The following LHPP variants were observed in gnomAD, a reference collection of about 807,000 sequenced individuals.
The protein encoded by LHPP is phospholysine phosphohistidine inorganic pyrophosphate phosphatase.
A neutral mutation model predicts 30.3 loss-of-function variants in LHPP; 24 were observed. The ratio of observed to expected loss-of-function variants is 0.79; its 90% CI spans 0.57 to 1.11. LHPP has a LOEUF of 1.11. Ranked by LOEUF, LHPP falls within the 50% of genes most tolerant of loss-of-function variation. The pLI is 0.00. For synonymous variants in LHPP, 150 were observed against 157.1 expected (o/e 0.95, Z 0.34); for missense variants, 356 against 367.2 (o/e 0.97, Z 0.25).
chr10:124,534,862 A>T (rs1751424625), intron 6 of LHPP, among the ~76,000 whole-genome samples: 1 of 152,108 alleles, frequency 6.6e-6, no homozygotes, highest in Admixed American at 6.5e-5. Flanking sequence ...CCTTACAAGT[A>T]GTTCTAGGCC....
Position 124,517,456 on chromosome 10 carries a change from T to A in LHPP, c.716+185T>A. The A allele has an allele frequency of 2.4e-6, 1 of 408,248 alleles. No homozygotes were observed. Among genetic ancestry groups the A allele is most frequent in the Non-Finnish European group, 4.4e-6 (1 of 228,976 alleles). The allele number at this position is 408,248 out of a possible 1,614,324, so 25.3% of individuals were successfully genotyped here. ...CTGAGTGGTCTTTTATAGCAGACAG[T>A]GATAAAGTAGAGTGGCTTTTGATAC... On this transcript the variant is annotated intron_variant, in intron 6 of 6. Coordinates refer to ENST00000368842, the MANE Select transcript of LHPP (RefSeq NM_022126.4). The surrounding 1 kb of genome is among the most constrained non-coding windows in gnomAD (Gnocchi z 4.1).
chr10:124,519,456 A>C (rs1011087843), intron 6 of LHPP, among the ~76,000 whole-genome samples: 4 of 152,134 alleles, frequency 2.6e-5, no homozygotes, highest in African/African-American at 9.7e-5. Flanking sequence ...TTAAAATTTC[A>C]GTAGTTTTTG....
chr10:124,540,877 C>G (rs1425071561), intron 6 of LHPP, among the ~76,000 whole-genome samples: 3 of 152,176 alleles, frequency 2.0e-5, no homozygotes, highest in Non-Finnish European at 4.4e-5. Flanking sequence ...GGGCTCACTT[C>G]TTTAGCAGGT....
chr10:124,494,547 C>T (rs766980938), intron 3 of LHPP, among the ~76,000 whole-genome samples: 7 of 152,196 alleles, frequency 4.6e-5, no homozygotes, highest in Non-Finnish European at 1.0e-4. Context: ...TCTCCTGGCA[C>T]AGGTGGGCAG....
chr10:124,561,825 A>G (rs375462711), intron 6 of LHPP, among the ~76,000 whole-genome samples: 2 of 152,208 alleles, frequency 1.3e-5, no homozygotes, highest in South Asian at 2.1e-4. Flanking sequence ...TTGTGGTACA[A>G]AACCACCTGT....
chr10:124,484,149 T>C lies in LHPP; in HGVS notation c.136T>C (p.Ser46Pro), dbSNP rs754601667. 5.0e-6 allele frequency: 8 copies of C among 1,613,780 alleles called. No homozygotes were observed. The Admixed American group carries it at 1.0e-4, about 20-fold the overall frequency. ...TCTCCCCTGCCGCAGACTGAAGCGT[T>C]CCCGGCTGAAGGTGAGGTTCTGCAC... ...SVEAVARLKR[S>P]RLKVRFCTNE... The change falls in exon 2 of 7, where the codon TCC (serine) becomes CCC (proline). Residue 46 changes from serine to proline, a missense_variant. Coordinates refer to ENST00000368842, the MANE Select transcript of LHPP (RefSeq NM_022126.4).
intron 6 of LHPP, among the ~76,000 whole-genome samples, chr10:124,611,537 T>G (rs1249335481): frequency 6.6e-6 from 1 of 150,516 alleles, no homozygotes; most frequent in Non-Finnish European, 1.5e-5. Flanking sequence ...CAAGGGGTTC[T>G]GTCCTTGGGA....
At chr10:124,488,158 C>T (rs960804297) in intron 2 of LHPP, among the ~76,000 whole-genome samples, 3 of 152,132 alleles carry the variant, frequency 2.0e-5, no homozygotes, top group Non-Finnish European at 4.4e-5. Context: ...CAGGGAGCTC[C>T]TGGGGCTGAT....
At chr10:124,557,747 G>A (rs1404690682) in intron 6 of LHPP, among the ~76,000 whole-genome samples, 1 of 152,088 alleles carries the variant, frequency 6.6e-6, no homozygotes. Context: ...GCCAGGCAAG[G>A]CTGGCCAAGC....
chr10:124,529,796 TACACACACACACACACGCAC>T (rs1954840637), intron 6 of LHPP, among the ~76,000 whole-genome samples: 1 of 140,242 alleles, frequency 7.1e-6, no homozygotes. Flanking sequence ...CTCATGCACA[TACACACACACACACACGCAC>T]ACACACACAC....
Position 124,613,546 on chromosome 10 carries a change from C to G in LHPP, c.*186C>G, listed in dbSNP as rs1949231842. On this transcript the variant is annotated 3_prime_UTR_variant, in exon 7 of 7. Coordinates refer to ENST00000368842, the MANE Select transcript of LHPP (RefSeq NM_022126.4). ...ACCAACCAAGGCCCTGACAGCCCTG[C>G]CTTCTGCCCTCTGCCCTGCATGGGC... 3 of 622,960 alleles carry G rather than the reference C, an allele frequency of 4.8e-6. No individual in the cohort carries two copies. The highest frequency in any genetic ancestry group is 8.7e-6 in the Non-Finnish European group (3 of 343,248). The allele number at this position is 622,960 out of a possible 1,614,324, so 38.6% of individuals were successfully genotyped here. A position where few individuals can be genotyped will look rare whatever the true frequency, so the allele number is the denominator to read the frequency against.
rs367750833 is a variant in LHPP, at chr10:124,600,863, G to A, written c.717-12401G>A. Reference sequence around the variant, plus strand: ...GGCTGCCTGCTTGTGTGCTCATTAGGAGCCAAGGCCATGAGGCCACTAACG... The same window carrying A: ...GGCTGCCTGCTTGTGTGCTCATTAGAAGCCAAGGCCATGAGGCCACTAACG... On this transcript the variant is annotated intron_variant, in intron 6 of 6. Coordinates refer to ENST00000368842, the MANE Select transcript of LHPP (RefSeq NM_022126.4). 1.5e-4 allele frequency among the ~76,000 whole-genome samples: 23 copies of A among 152,368 alleles called. No individual in the cohort carries two copies. In the South Asian group the frequency reaches 4.8e-3, roughly 32 times the overall value.
Position 124,484,280 on chromosome 10 carries a change from G to C in LHPP, c.267G>C (p.Gln89His), listed in dbSNP as rs2133848383. The stretch of plus-strand genomic sequence containing the variant: ...CCGCCCCGGCACCAGCTGCCTGCCA[G>C]ATCCTGAAGGAGCAAGGCCTGCGAC... Reference protein sequence around the residue: ...EVTAPAPAACQILKEQGLRPY... With the variant: ...EVTAPAPAACHILKEQGLRPY... The change falls in exon 2 of 7, where the codon CAG (glutamine) becomes CAC (histidine). Residue 89 changes from glutamine to histidine, a missense_variant. Physicochemically the swap from Gln to His is conservative, Grantham distance 24. Coordinates refer to ENST00000368842, the MANE Select transcript of LHPP (RefSeq NM_022126.4). 1.9e-6 allele frequency: 3 copies of C among 1,614,062 alleles called. No individual in the cohort carries two copies. The highest frequency in any genetic ancestry group is 2.7e-5 in the African/African-American group (2 of 75,066).
In LHPP at chr10:124,590,564, G is replaced by A. The variant is rs572555378; in HGVS notation, c.717-22700G>A. Among the ~76,000 whole-genome samples the A allele has an allele frequency of 6.6e-6, 1 of 152,220 alleles. No homozygotes were observed. The highest frequency in any genetic ancestry group is 1.9e-4 in the East Asian group (1 of 5,184). On this transcript the variant is annotated intron_variant, in intron 6 of 6. Coordinates refer to ENST00000368842, the MANE Select transcript of LHPP (RefSeq NM_022126.4). This position sits in a 1 kb window ranked among gnomAD's most constrained non-coding sequence, Gnocchi z 4.3. ...TGTCCCTTGTGTCATGACTGGACTT[G>A]TTACTTCTAGCCCAGGAGCTCCAGG...
At chr10:124,542,124 C>T (rs1955208920) in intron 6 of LHPP, among the ~76,000 whole-genome samples, 1 of 152,118 alleles carries the variant, frequency 6.6e-6, no homozygotes, top group Admixed American at 6.5e-5. Context: ...GTGCCTGGGA[C>T]CGCAGTTAGA....
intron 6 of LHPP, among the ~76,000 whole-genome samples, chr10:124,550,294 C>G (rs775205018): frequency 3.0e-4 from 46 of 152,342 alleles, no homozygotes; most frequent in Non-Finnish European, 6.0e-4. Flanking sequence ...TGGGGTGACC[C>G]CCGTCTTGGT....
intron 5 of LHPP, chr10:124,498,603 C>G: frequency 1.3e-6 from 1 of 778,778 alleles, no homozygotes; most frequent in Non-Finnish European, 2.0e-6. Flanking sequence ...TTGTCTACAC[C>G]TACCCCAACC....
chr10:124,579,559 C>T (rs763251704), intron 6 of LHPP, among the ~76,000 whole-genome samples: 3 of 152,322 alleles, frequency 2.0e-5, no homozygotes, highest in South Asian at 4.1e-4. Flanking sequence ...GATCACACTT[C>T]TGTGAACAGC....
chr10:124,476,639 G>A (rs1404108573), intron 1 of LHPP, among the ~76,000 whole-genome samples: 1 of 152,200 alleles, frequency 6.6e-6, no homozygotes, highest in Non-Finnish European at 1.5e-5. Context: ...CATGGTGCAG[G>A]GCACGGGGTG....
Sources: gnomAD v4.1 joint callset for allele counts (sites outside exome capture counted in the v4.1 genomes callset) on GRCh38, gnomAD v4.1.1 for gene constraint, Gnocchi (gnomAD v3.1) non-coding constraint, MANE v1.5 for transcripts, NCBI Gene and HGNC (gene_info 2026-07-23, HGNC 2026-07-21) for gene names.